Variants in FAM135A observed in about 807,000 individuals in gnomAD.
FAM135A encodes family with sequence similarity 135 member A.
FAM135A carries 79 observed loss-of-function variants against 146.8 expected under a neutral mutation model. The ratio of observed to expected loss-of-function variants is 0.54; its 90% CI spans 0.45 to 0.65. The LOEUF (loss-of-function observed/expected upper bound fraction) is 0.65, where lower values mean the gene tolerates loss of function less well. Among genes scored for constraint, FAM135A ranks in the 30% least tolerant of loss-of-function variants. The probability of loss-of-function intolerance (pLI) is 0.00; values close to 1 mark genes in which losing one functional copy is unlikely to be tolerated. For synonymous variants in FAM135A, 562 were observed against 603.6 expected (o/e 0.93, Z 1.01); for missense variants, 1,623 against 1,758.2 (o/e 0.92, Z 1.38).
At chr6:70,491,198 T>G (rs577650655) in intron 11 of FAM135A, 115 bp downstream of exon 11, 6 of 863,474 alleles carry the variant, frequency 6.9e-6, no homozygotes, top group South Asian at 6.8e-5. Flanking sequence ...AATGCAAAGA[T>G]AAAATGGTTG....
chr6:70,484,744 C>T (rs1294060214), intron 10 of FAM135A, among the ~76,000 whole-genome samples: 2 of 152,220 alleles, frequency 1.3e-5, no homozygotes, highest in South Asian at 2.1e-4. Flanking sequence ...AGTGCTTGCT[C>T]GCCTGCTGCT....
chr6:70,556,814 C>T lies in FAM135A; in HGVS notation c.4293C>T (p.His1431=). Residue 1431 remains histidine, a synonymous_variant, in exon 21 of 22, where the codon CAC becomes CAT. Coordinates refer to ENST00000418814, the MANE Select transcript of FAM135A (RefSeq NM_001162529.3). ...GSLQDRYVPY[H]SARIEMCKTA... is the part of the protein sequence containing the mutation. ...TACAGGATCGCTATGTTCCTTATCA[C>T]TCTGCCCGCATTGAAATGTGTAAAA... 1 of 1,614,008 alleles carries T rather than the reference C, an allele frequency of 6.2e-7. No homozygotes were observed. The highest frequency in any genetic ancestry group is 8.5e-7 in the Non-Finnish European group (1 of 1,180,016).
rs1793443455 is a variant in FAM135A, at chr6:70,520,991, G to T, written c.1030-1522G>T. Among the ~76,000 whole-genome samples, 3 of 152,164 alleles carry T rather than the reference G, an allele frequency of 2.0e-5. 1 individual carries two copies. Among genetic ancestry groups the T allele is most frequent in the Admixed American group, 2.0e-4 (3 of 15,276 alleles). On this transcript the variant is annotated intron_variant, in intron 12 of 21. Transcript: ENST00000418814. ...TCTCAAATCTTCGTTTGAATCACAG[G>T]TTTATCGCCTACTAGCTATGTTATC...
intron 20 of FAM135A, among the ~76,000 whole-genome samples, chr6:70,545,340 C>T (rs1241068143): frequency 1.3e-5 from 2 of 152,048 alleles, no homozygotes; most frequent in African/African-American, 4.8e-5. Context: ...TGGCTGGGCA[C>T]GGTGGCTCAT....
chr6:70,512,344 G>A (rs918259661), intron 12 of FAM135A, among the ~76,000 whole-genome samples: 3 of 151,670 alleles, frequency 2.0e-5, no homozygotes, highest in African/African-American at 7.3e-5. Flanking sequence ...GATCTTTTTT[G>A]TGAACATAAG....
chr6:70,518,034 G>A (rs1792698818), intron 12 of FAM135A, among the ~76,000 whole-genome samples: 1 of 152,214 alleles, frequency 6.6e-6, no homozygotes, highest in African/African-American at 2.4e-5. Flanking sequence ...AGATGATTAA[G>A]CTTAGGGAGG....
In FAM135A at chr6:70,475,744, A is replaced by T; in HGVS notation, c.368+11A>T. On this transcript the variant is annotated intron_variant, in intron 7 of 21. Transcript: ENST00000418814. ...AGATGGAGATTATTCGTAAGTAGCTAATCAATTAAAAAACCTTTAGGCACT... is the reference window on the plus strand; with the variant it reads ...AGATGGAGATTATTCGTAAGTAGCTTATCAATTAAAAAACCTTTAGGCACT... The T allele has an allele frequency of 6.3e-7, 1 of 1,588,324 alleles. No homozygotes were observed. The highest frequency in any genetic ancestry group is 8.6e-7 in the Non-Finnish European group (1 of 1,164,516).
At chr6:70,423,450 AT>A (rs1184467142) in intron 2 of FAM135A, among the ~76,000 whole-genome samples, 1 of 152,184 alleles carries the variant, frequency 6.6e-6, no homozygotes, top group African/African-American at 2.4e-5. Flanking sequence ...ACATTCGGTA[AT>A]CCAGAATTTG....
chr6:70,465,727 T>G (rs924227221), intron 5 of FAM135A, among the ~76,000 whole-genome samples: 1 of 152,182 alleles, frequency 6.6e-6, no homozygotes, highest in Non-Finnish European at 1.5e-5. Flanking sequence ...CATAGTATTT[T>G]GCACAGCAGC....
chr6:70,538,423 G>C (rs1797174784), intron 20 of FAM135A, 22 bp downstream of exon 20: 1 of 1,321,294 alleles, frequency 7.6e-7, no homozygotes, highest in African/African-American at 1.5e-5. Flanking sequence ...ATAACAGTTT[G>C]GAAAATATAC....
chr6:70,512,255 T>C (rs1791162581), intron 12 of FAM135A, among the ~76,000 whole-genome samples: 1 of 151,896 alleles, frequency 6.6e-6, no homozygotes, highest in East Asian at 1.9e-4. Flanking sequence ...AGTAGTATTT[T>C]ATGGTATCGT....
intron 4 of FAM135A, among the ~76,000 whole-genome samples, chr6:70,440,658 A>C (rs1774247213): frequency 1.3e-5 from 2 of 152,222 alleles, no homozygotes; most frequent in Non-Finnish European, 2.9e-5. Flanking sequence ...ATTGCACTCC[A>C]ACCTGGGCAA....
At chr6:70,512,478 A>G (rs895472194) in intron 12 of FAM135A, among the ~76,000 whole-genome samples, 2 of 151,834 alleles carry the variant, frequency 1.3e-5, no homozygotes, top group Non-Finnish European at 1.5e-5. Flanking sequence ...AACTCCTAAC[A>G]TTAACGTATG....
intron 13 of FAM135A, among the ~76,000 whole-genome samples, chr6:70,523,108 T>C (rs1039171478): frequency 6.6e-6 from 1 of 151,896 alleles, no homozygotes; most frequent in African/African-American, 2.4e-5. Flanking sequence ...CATTAAAAAT[T>C]GAATACTGTA....
At chr6:70,532,126 A>G (rs1279622485) in intron 16 of FAM135A, among the ~76,000 whole-genome samples, 1 of 151,622 alleles carries the variant, frequency 6.6e-6, no homozygotes, top group Admixed American at 6.6e-5. Context: ...TCCACCCGCC[A>G]CAGCCTCCTA....
At chr6:70,469,402 T>C (rs942051461) in intron 5 of FAM135A, among the ~76,000 whole-genome samples, 10 of 152,240 alleles carry the variant, frequency 6.6e-5, no homozygotes, top group African/African-American at 2.4e-4. Flanking sequence ...GTTGAGGATA[T>C]AGGCAACTTT....
intron 20 of FAM135A, among the ~76,000 whole-genome samples, chr6:70,544,116 A>T (rs956850764): frequency 6.6e-6 from 1 of 152,180 alleles, no homozygotes; most frequent in Non-Finnish European, 1.5e-5. Flanking sequence ...GGTAAAAAAA[A>T]AAAAATGAAT....
intron 5 of FAM135A, among the ~76,000 whole-genome samples, chr6:70,454,213 A>T (rs149786480): frequency 2.6e-3 from 389 of 152,310 alleles, no homozygotes; most frequent in African/African-American, 8.9e-3. Context: ...TCTTTTGAAA[A>T]GTGTCTGTTC....
rs575432662 is a variant in FAM135A, at chr6:70,502,677, G to A, written c.915G>A (p.Met305Ile). The stretch of plus-strand genomic sequence containing the variant: ...ATGAACTGGCAGAACTTATAAATAT[G>A]AATCTTGCGCAACTTTGCTCACTTT... The part of the protein sequence containing the change: ...NPDELAELIN[M>I]NLAQLCSLLM... The change falls in exon 12 of 22, where the codon ATG (methionine) becomes ATA (isoleucine). Residue 305 changes from methionine to isoleucine, a missense_variant. By Grantham distance (10) the Met-to-Ile change is conservative. Around this residue, in one of 7 missense-constraint regions of FAM135A, gnomAD observed 206 missense variants for 194.7 expected, o/e 1.06. Transcript: ENST00000418814. 6.2e-7 allele frequency: 1 copy of A among 1,612,700 alleles called. No homozygotes were observed. Among genetic ancestry groups the A allele is most frequent in the Admixed American group, 1.7e-5 (1 of 59,960 alleles).
Sources: allele counts gnomAD v4.1 joint callset (sites outside exome capture counted in the v4.1 genomes callset), GRCh38; gene constraint gnomAD v4.1.1; regional missense constraint gnomAD v4.1.1; transcripts MANE v1.5; gene names NCBI Gene and HGNC (gene_info 2026-07-23, HGNC 2026-07-21).